XRCC5: variants seen among roughly 807,000 people sequenced by gnomAD.
XRCC5 encodes X-ray repair cross complementing 5.
In XRCC5, 12 loss-of-function variants were observed where a neutral mutation model predicts 95.7. That is an observed-to-expected ratio of 0.13 (90% CI 0.08 to 0.20). XRCC5 has a LOEUF of 0.20. Among genes scored for constraint, XRCC5 ranks in the 10% least tolerant of loss-of-function variants. XRCC5 has a pLI of 1.00. For missense variants in XRCC5, 595 were observed against 873.9 expected (o/e 0.68, Z 4.02); for synonymous variants, 281 against 290.3 (o/e 0.97, Z 0.33).
Position 216,137,189 on chromosome 2 carries a change from C to G in XRCC5, c.1215C>G (p.Val405=). 6.2e-7 allele frequency: 1 copy of G among 1,613,516 alleles called. No homozygotes were observed. Among genetic ancestry groups the G allele is most frequent in the Non-Finnish European group, 8.5e-7 (1 of 1,179,680 alleles). Residue 405 remains valine, a synonymous_variant, in exon 11 of 21, where the codon GTC becomes GTG. Transcript: ENST00000392132. ...YAYDKRANPQ[V]GVAFPHIKHN... ...ATGACAAAAGAGCTAATCCTCAAGT[C>G]GGCGTGGCTTTTCCTCATATCAAGC...
chr2:216,116,695 C>G lies in XRCC5; in HGVS notation c.172C>G (p.Leu58Val), dbSNP rs768243567. ...AENKDEIALVLFGTDGTDNPL... is the reference protein window; with the variant it reads ...AENKDEIALVVFGTDGTDNPL... Reference sequence around the variant, plus strand: ...GAACAAGGATGAGATTGCTTTAGTCCTGTTTGGTACAGATGGCACTGACAA... The same window carrying G: ...GAACAAGGATGAGATTGCTTTAGTCGTGTTTGGTACAGATGGCACTGACAA... The change falls in exon 3 of 21, where the codon CTG (leucine) becomes GTG (valine). Residue 58 changes from leucine to valine, a missense_variant. Leu to Val is a conservative substitution (Grantham distance 32). Coordinates refer to ENST00000392132, the MANE Select transcript of XRCC5 (RefSeq NM_021141.4). 3 of 1,614,136 alleles carry G rather than the reference C, an allele frequency of 1.9e-6. No homozygotes were observed. Among genetic ancestry groups the G allele is most frequent in the Non-Finnish European group, 1.7e-6 (2 of 1,180,030 alleles).
At chr2:216,124,832 A>G (rs534285053) in intron 6 of XRCC5, among the ~76,000 whole-genome samples, 1 of 152,298 alleles carries the variant, frequency 6.6e-6, no homozygotes, top group East Asian at 1.9e-4. Context: ...AGTGAATACC[A>G]CAAATTCCAC....
At chr2:216,184,032 CTGTGTGTGTGTG>C (rs3221952) in intron 16 of XRCC5, among the ~76,000 whole-genome samples, 48,977 of 145,670 alleles carry the variant, frequency 0.34, 8,570 homozygotes, top group East Asian at 0.7. Flanking sequence ...TAAGTCAGCA[CTGTGTGTGTGTG>C]TGTGTGTGTG....
At chr2:216,128,906 A>G (rs993534156) in intron 8 of XRCC5, among the ~76,000 whole-genome samples, 1 of 152,244 alleles carries the variant, frequency 6.6e-6, no homozygotes, top group Non-Finnish European at 1.5e-5. Flanking sequence ...CTCAACTAGC[A>G]GGACTTGGAT....
intron 13 of XRCC5, among the ~76,000 whole-genome samples, chr2:216,146,001 A>G (rs751575883): frequency 2.6e-5 from 4 of 152,230 alleles, no homozygotes; most frequent in Non-Finnish European, 2.9e-5. Flanking sequence ...AGGATTATGC[A>G]TAATAAGAAG....
At chr2:216,163,665 C>T (rs1688996730) in intron 16 of XRCC5, among the ~76,000 whole-genome samples, 2 of 152,146 alleles carry the variant, frequency 1.3e-5, no homozygotes, top group Non-Finnish European at 2.9e-5. Context: ...CATCTTACTA[C>T]TTGCAGTCTA....
At chr2:216,110,100 T>C (rs916031418) in intron 1 of XRCC5, among the ~76,000 whole-genome samples, 2 of 152,176 alleles carry the variant, frequency 1.3e-5, no homozygotes, top group African/African-American at 4.8e-5. Flanking sequence ...AACCGAGGAA[T>C]AAAGAACTGT....
intron 19 of XRCC5, among the ~76,000 whole-genome samples, chr2:216,196,824 A>AGT (rs1482410072): frequency 6.6e-6 from 1 of 152,232 alleles, no homozygotes; most frequent in African/African-American, 2.4e-5. Flanking sequence ...CATCTAGAGT[A>AGT]GTGTTTGATG....
intron 16 of XRCC5, 141 bp from the exon 17 acceptor site, chr2:216,190,083 TC>T: frequency 1.8e-6 from 1 of 554,944 alleles, no homozygotes; most frequent in Non-Finnish European, 3.0e-6. Context: ...ATCTCATCTC[TC>T]CCCTAAAAGA....
intron 10 of XRCC5, among the ~76,000 whole-genome samples, chr2:216,133,405 G>C (rs1385741213): frequency 6.6e-6 from 1 of 152,144 alleles, no homozygotes; most frequent in Non-Finnish European, 1.5e-5. Flanking sequence ...GGAACCTCTG[G>C]GCTCAAGCGA....
intron 3 of XRCC5, chr2:216,117,495 T>G: frequency 4.2e-6 from 2 of 476,706 alleles, no homozygotes; most frequent in Non-Finnish European, 7.6e-6. Context: ...AATTTTTGGT[T>G]AAATGAATGC....
Position 216,132,143 on chromosome 2 carries a change from C to T in XRCC5, c.1051-182C>T, listed in dbSNP as rs1017597189. Among the ~76,000 whole-genome samples, 9 of 152,160 alleles carry T rather than the reference C, an allele frequency of 5.9e-5. No homozygotes were observed. In the East Asian group the frequency reaches 7.7e-4, roughly 13 times the overall value. On this transcript the variant is annotated intron_variant, in intron 9 of 20. Transcript: ENST00000392132. ...TTTACAGTGCTCAGATAATCTTGAA[C>T]GCATGCTGGGTGCTCAGATATTTGT...
chr2:216,150,672 C>T (rs115148891), intron 14 of XRCC5, among the ~76,000 whole-genome samples: 163 of 152,208 alleles, frequency 1.1e-3, no homozygotes, highest in Non-Finnish European at 1.9e-3. Context: ...TAACCGAGGT[C>T]AGGAGTTCGA....
At chr2:216,134,070 G>A (rs1245825528) in intron 10 of XRCC5, among the ~76,000 whole-genome samples, 1 of 152,144 alleles carries the variant, frequency 6.6e-6, no homozygotes, top group Non-Finnish European at 1.5e-5. Context: ...GTCCCCACTG[G>A]ATTGTTTTCT....
chr2:216,138,076 T>G lies in XRCC5; in HGVS notation c.1252-13T>G. The G allele has an allele frequency of 6.3e-7, 1 of 1,593,768 alleles. No homozygotes were observed. On this transcript the variant is annotated splice_polypyrimidine_tract_variant and intron_variant, in intron 11 of 20. Coordinates refer to ENST00000392132, the MANE Select transcript of XRCC5 (RefSeq NM_021141.4). ...TCATCGTTTCTGCTTTTACCCCCTTTCTTTCTCATTAGTGTTTAGTGTATG... is the reference window on the plus strand; with the variant it reads ...TCATCGTTTCTGCTTTTACCCCCTTGCTTTCTCATTAGTGTTTAGTGTATG...
intron 16 of XRCC5, among the ~76,000 whole-genome samples, chr2:216,186,444 A>C (rs569217699): frequency 6.6e-6 from 1 of 152,366 alleles, no homozygotes; most frequent in African/African-American, 2.4e-5. Flanking sequence ...AACATTTTGA[A>C]TATGATACTG....
intron 12 of XRCC5, among the ~76,000 whole-genome samples, chr2:216,139,509 C>G (rs1184680611): frequency 6.6e-6 from 1 of 152,186 alleles, no homozygotes; most frequent in Non-Finnish European, 1.5e-5. Context: ...CCCTCTGATT[C>G]ATTTACCTCC....
At chr2:216,121,433 G>A (rs957253066) in intron 5 of XRCC5, among the ~76,000 whole-genome samples, 3 of 152,212 alleles carry the variant, frequency 2.0e-5, no homozygotes, top group Non-Finnish European at 2.9e-5. Flanking sequence ...TGTCTGCTGA[G>A]AGATCTTTGC....
intron 16 of XRCC5, among the ~76,000 whole-genome samples, chr2:216,166,728 G>T (rs983809629): frequency 2.0e-5 from 3 of 152,112 alleles, no homozygotes; most frequent in African/African-American, 7.2e-5. Flanking sequence ...TCAAAAGATA[G>T]ACAGCAGGTT....
Sources: allele counts gnomAD v4.1 joint callset (sites outside exome capture counted in the v4.1 genomes callset), GRCh38; gene constraint gnomAD v4.1.1; transcripts MANE v1.5; gene names NCBI Gene and HGNC (gene_info 2026-07-23, HGNC 2026-07-21).